The following FRAS1 variants were observed in gnomAD, a reference collection of about 807,000 sequenced individuals.
FRAS1 encodes the protein extracellular matrix organizing protein FRAS1.
FRAS1 carries 290 observed loss-of-function variants against 435.2 expected under a neutral mutation model. That is an observed-to-expected ratio of 0.67 (90% CI 0.61 to 0.73). The LOEUF (loss-of-function observed/expected upper bound fraction) is 0.73, where lower values mean the gene tolerates loss of function less well. Ranked by LOEUF, FRAS1 falls within the 30% of genes least tolerant of loss-of-function variation. The pLI, the probability that FRAS1 is intolerant of heterozygous loss-of-function variation, is 0.00. For synonymous variants in FRAS1, 1,800 were observed against 1,851.0 expected (o/e 0.97, Z 0.71); for missense variants, 4,860 against 5,001.5 (o/e 0.97, Z 0.85).
intron 18 of FRAS1, 122 bp from the exon 19 acceptor site, chr4:78,333,150 G>A (rs527423189): frequency 1.3e-4 from 145 of 1,144,830 alleles, no homozygotes; most frequent in Non-Finnish European, 1.6e-4. Context: ...CCTGTCATTG[G>A]GAAAACCAAG....
At chr4:78,479,059 T>A (rs1385243391) in intron 55 of FRAS1, among the ~76,000 whole-genome samples, 1 of 152,246 alleles carries the variant, frequency 6.6e-6, no homozygotes, top group Non-Finnish European at 1.5e-5. Context: ...AAGTACCAAA[T>A]ATGTGTCATA....
At chr4:78,423,607 G>T (rs769870027) in intron 34 of FRAS1, among the ~76,000 whole-genome samples, 5 of 152,124 alleles carry the variant, frequency 3.3e-5, no homozygotes, top group Non-Finnish European at 7.4e-5. Flanking sequence ...AGACTTTTTT[G>T]ATTATGGTAA....
Position 78,188,291 on chromosome 4 carries a change from A to G in FRAS1, c.109-49219A>G, listed in dbSNP as rs1204473953. On this transcript the variant is annotated intron_variant, in intron 2 of 73. Coordinates refer to ENST00000512123, the MANE Select transcript of FRAS1 (RefSeq NM_025074.7). ...AGTCTATCTGTCTGTCTATCTATCTATCTATCTATCTATCTATCTATCTAT... is the reference window on the plus strand; with the variant it reads ...AGTCTATCTGTCTGTCTATCTATCTGTCTATCTATCTATCTATCTATCTAT... 4.6e-4 allele frequency among the ~76,000 whole-genome samples: 5 copies of G among 10,754 alleles called. No homozygotes were observed. The South Asian group carries it at 0.21, about 461-fold the overall frequency. 7.1% of individuals were successfully genotyped at this position (10,754 alleles called of 152,430 possible).
intron 10 of FRAS1, 118 bp from the exon 11 acceptor site, chr4:78,281,280 C>T (rs1429066699): frequency 1.5e-6 from 1 of 649,252 alleles, no homozygotes; most frequent in Non-Finnish European, 2.7e-6. Context: ...CTATTCATAA[C>T]CAGTGAATAA....
intron 2 of FRAS1, among the ~76,000 whole-genome samples, chr4:78,191,101 C>G (rs910548525): frequency 2.0e-4 from 31 of 152,210 alleles, no homozygotes; most frequent in African/African-American, 5.3e-4. Context: ...TGGCTGGCAG[C>G]TTGCTCTTGG....
chr4:78,471,353 G>T (rs1006194498), intron 51 of FRAS1, among the ~76,000 whole-genome samples: 2 of 150,714 alleles, frequency 1.3e-5, no homozygotes, highest in African/African-American at 4.9e-5. Context: ...GCTTCTAATT[G>T]AACTGGTTGG....
chr4:78,307,811 G>A (rs563874437), intron 14 of FRAS1, among the ~76,000 whole-genome samples: 22 of 152,274 alleles, frequency 1.4e-4, no homozygotes, highest in Middle Eastern at 3.4e-3. Flanking sequence ...GAAATCACCC[G>A]TCTTCTGCGT....
chr4:78,245,400 G>C, intron 4 of FRAS1, 75 bp downstream of exon 4: 1 of 1,046,966 alleles, frequency 9.6e-7, no homozygotes. Context: ...TGTTAAACTT[G>C]TGTTGATGAG....
At chr4:78,091,058 C>A (rs933800570) in intron 2 of FRAS1, among the ~76,000 whole-genome samples, 1 of 151,986 alleles carries the variant, frequency 6.6e-6, no homozygotes, top group Non-Finnish European at 1.5e-5. Context: ...TTGTGGGAGG[C>A]CGTTTGGCTG....
chr4:78,189,929 A>G (rs1046286495), intron 2 of FRAS1, among the ~76,000 whole-genome samples: 6 of 144,290 alleles, frequency 4.2e-5, no homozygotes, highest in Non-Finnish European at 9.1e-5. Context: ...CTACTTCCTA[A>G]AGTAGACCCT....
chr4:78,486,877 A>G, intron 58 of FRAS1, among the ~76,000 whole-genome samples: 1 of 142,510 alleles, frequency 7.0e-6, no homozygotes, highest in South Asian at 2.2e-4. Context: ...AGTGAGAGTG[A>G]ATGTCTTGTT....
intron 14 of FRAS1, among the ~76,000 whole-genome samples, chr4:78,286,868 ATAATT>A (rs886775202): frequency 3.3e-5 from 5 of 152,170 alleles, no homozygotes; most frequent in African/African-American, 1.2e-4. Flanking sequence ...TAGTCATAAT[ATAATT>A]TAATTTGTTT....
At chr4:78,484,736 C>T (rs1460425311) in intron 58 of FRAS1, among the ~76,000 whole-genome samples, 2 of 152,144 alleles carry the variant, frequency 1.3e-5, no homozygotes, top group East Asian at 1.9e-4. Flanking sequence ...TTGCTCATAA[C>T]CCCGTGCTCT....
intron 31 of FRAS1, among the ~76,000 whole-genome samples, chr4:78,410,887 T>G (rs550654824): frequency 3.7e-4 from 56 of 152,318 alleles, no homozygotes; most frequent in Non-Finnish European, 7.4e-4. Context: ...GGCATGTTTA[T>G]TCTAAAGTCT....
intron 34 of FRAS1, 52 bp from the exon 35 acceptor site, chr4:78,424,336 C>G: frequency 1.0e-6 from 1 of 994,656 alleles, no homozygotes; most frequent in South Asian, 1.8e-5. Context: ...TTTCCTATCT[C>G]TCTCTGATCC....
At chr4:78,417,145 C>T (rs1190172111) in intron 32 of FRAS1, among the ~76,000 whole-genome samples, 2 of 152,122 alleles carry the variant, frequency 1.3e-5, no homozygotes, top group South Asian at 4.1e-4. Context: ...TTGCTTTCCT[C>T]ATGGAATCAG....
chr4:78,076,361 T>C (rs4241622), intron 2 of FRAS1, among the ~76,000 whole-genome samples: 121,944 of 152,082 alleles, frequency 0.8, 49,008 homozygotes, highest in East Asian at 0.96. Context: ...CCCACCATCC[T>C]GAGGTGGTGA....
chr4:78,264,450 C>T (rs1241455855), intron 6 of FRAS1, among the ~76,000 whole-genome samples: 1 of 152,082 alleles, frequency 6.6e-6, no homozygotes, highest in Admixed American at 6.5e-5. Context: ...AAATATGTGT[C>T]CATTCATGTA....
chr4:78,235,383 T>G (rs1251280540), intron 2 of FRAS1, among the ~76,000 whole-genome samples: 2 of 152,168 alleles, frequency 1.3e-5, no homozygotes, highest in Admixed American at 6.5e-5. Flanking sequence ...TCAGCTCTAA[T>G]TGGATGTTGG....
Sources: gnomAD v4.1 joint callset for allele counts (sites outside exome capture counted in the v4.1 genomes callset) on GRCh38, gnomAD v4.1.1 for gene constraint, MANE v1.5 for transcripts, NCBI Gene and HGNC (gene_info 2026-07-23, HGNC 2026-07-21) for gene names.